The following NIPAL1 variants were observed in gnomAD, a reference collection of about 807,000 sequenced individuals.
NIPAL1 encodes the protein NIPA like domain containing 1.
In NIPAL1, 35 loss-of-function variants were observed where a neutral mutation model predicts 37.7. That is an observed-to-expected ratio of 0.93 (90% CI 0.71 to 1.23). NIPAL1 has a LOEUF of 1.23. NIPAL1 is among the 50% of genes most tolerant of loss of function. NIPAL1 has a pLI of 0.00. For synonymous variants in NIPAL1, 162 were observed against 183.0 expected, an observed-to-expected ratio of 0.89 and a Z score of 0.93; for missense variants, 412 against 473.9, an observed-to-expected ratio of 0.87 and a Z score of 1.21.
At chr4:48,017,498 T>A (rs1424659446) in intron 1 of NIPAL1, among the ~76,000 whole-genome samples, 1 of 150,082 alleles carries the variant, frequency 6.7e-6, no homozygotes, top group Non-Finnish European at 1.5e-5. Flanking sequence ...TCACTCTGGC[T>A]GCTTAAGGCG....
In NIPAL1 at chr4:48,039,587, T is replaced by C. The variant is rs1406653218; in HGVS notation, c.*3415T>C. 7 of 152,254 alleles carry C rather than the reference T, an allele frequency of 4.6e-5. No homozygotes were observed. Among genetic ancestry groups the C allele is most frequent in the Non-Finnish European group, 7.3e-5 (5 of 68,038 alleles). 9.4% of individuals were successfully genotyped at this position (152,254 alleles called of 1,614,324 possible). ...ACTTCTGTAAAGATAAGTTTCATTA[T>C]ACTTTTGTCTTACAATTTTATTCTT... On this transcript the variant is annotated 3_prime_UTR_variant, in exon 6 of 6. Coordinates refer to ENST00000295461, the MANE Select transcript of NIPAL1 (RefSeq NM_207330.3).
chr4:48,019,786 C>G (rs1715532103), intron 1 of NIPAL1, among the ~76,000 whole-genome samples: 1 of 152,160 alleles, frequency 6.6e-6, no homozygotes, highest in African/African-American at 2.4e-5. Context: ...ATGACAAGAT[C>G]AGACCTACTT....
intron 1 of NIPAL1, 94 bp downstream of exon 1, chr4:48,016,979 G>C: frequency 9.6e-7 from 1 of 1,045,768 alleles, no homozygotes; most frequent in East Asian, 2.6e-5. Context: ...TGGAAAGGGG[G>C]GCTGTACCGA....
intron 1 of NIPAL1, among the ~76,000 whole-genome samples, chr4:48,024,370 C>G (rs941440435): frequency 6.6e-5 from 10 of 152,092 alleles, no homozygotes; most frequent in African/African-American, 2.4e-4. Flanking sequence ...CTTCATCCTC[C>G]TGGGCTCAAG....
In NIPAL1 at chr4:48,036,006, CT is replaced by C. The variant is rs765611767; in HGVS notation, c.1071del (p.Phe357LeufsTer22). ...ATCATTGGCATCTTCCTTCTACATG[CT>C]TTTAAAAATACTGACATTACTTGGA... The part of the protein sequence containing the change: ...TIIIGIFLLH[A>X]FKNTDITWSE... On this transcript the variant is annotated frameshift_variant, in exon 6 of 6. Coordinates refer to ENST00000295461, the MANE Select transcript of NIPAL1 (RefSeq NM_207330.3). LOFTEE classifies it high-confidence loss of function. 21 of 1,613,172 alleles carry C rather than the reference CT, an allele frequency of 1.3e-5. No individual in the cohort carries two copies. In the African/African-American group the frequency reaches 2.7e-4, roughly 21 times the overall value.
In NIPAL1 at chr4:48,036,334, G is replaced by T; in HGVS notation, c.*162G>T. ...TGCCATTTTTTTGGCCATTGAATTT[G>T]AAAATCAAATTGATTATCCTCCAGA... On this transcript the variant is annotated 3_prime_UTR_variant, in exon 6 of 6. Coordinates refer to ENST00000295461, the MANE Select transcript of NIPAL1 (RefSeq NM_207330.3). The T allele has an allele frequency of 3.3e-6, 2 of 604,658 alleles. No individual in the cohort carries two copies. Among genetic ancestry groups the T allele is most frequent in the East Asian group, 3.0e-5 (1 of 32,832 alleles). The allele number at this position is 604,658 out of a possible 1,614,324, so 37.5% of individuals were successfully genotyped here.
Position 48,035,817 on chromosome 4 carries a change from A to C in NIPAL1, c.878A>C (p.Tyr293Ser). The change falls in exon 6 of 6, where the codon TAT becomes TCT. Residue 293 changes from tyrosine to serine, a missense_variant. Transcript: ENST00000295461. ...LVLSVTTQINYLNKALDTFNT... is the reference protein window; with the variant it reads ...LVLSVTTQINSLNKALDTFNT... ...CTTTCAGTAACTACACAGATTAACT[A>C]TCTCAACAAGGCACTGGACACCTTT... The C allele has an allele frequency of 6.2e-7, 1 of 1,614,214 alleles. No homozygotes were observed. The highest frequency in any genetic ancestry group is 2.2e-5 in the East Asian group (1 of 44,886).
In NIPAL1 at chr4:48,039,513, T is replaced by C. The variant is rs1341707577; in HGVS notation, c.*3341T>C. 6.6e-6 allele frequency: 1 copy of C among 152,202 alleles called. No individual in the cohort carries two copies. The highest frequency in any genetic ancestry group is 6.5e-5 in the Admixed American group (1 of 15,282). The allele number at this position is 152,202 out of a possible 1,614,324, so 9.4% of individuals were successfully genotyped here. On this transcript the variant is annotated 3_prime_UTR_variant, in exon 6 of 6. Coordinates refer to ENST00000295461, the MANE Select transcript of NIPAL1 (RefSeq NM_207330.3). ...ATGTGAATATCTGCATGTGTGTTAT[T>C]AAGGATTACAAAGTTGTGCTCACAC... is the stretch of plus-strand genomic sequence containing the variant.
chr4:48,039,209 G>A lies in NIPAL1; in HGVS notation c.*3037G>A, dbSNP rs1200097243. ...AAAATACAAAAATTAGCCAGGCATG[G>A]TTGCGGGTGCCTATAATCCCAACTA... On this transcript the variant is annotated 3_prime_UTR_variant, in exon 6 of 6. Coordinates refer to ENST00000295461, the MANE Select transcript of NIPAL1 (RefSeq NM_207330.3). 6.6e-6 allele frequency: 1 copy of A among 152,136 alleles called. No individual in the cohort carries two copies. The highest frequency in any genetic ancestry group is 2.1e-4 in the South Asian group (1 of 4,832). The allele number at this position is 152,136 out of a possible 1,614,324, so 9.4% of individuals were successfully genotyped here.
Position 48,035,939 on chromosome 4 carries a change from G to A in NIPAL1, c.1000G>A (p.Ala334Thr). Residue 334 changes from alanine to threonine, a missense_variant, in exon 6 of 6, where the codon GCT (alanine) becomes ACT (threonine). By Grantham distance (58) the Ala-to-Thr change is moderately conservative. Transcript: ENST00000295461. ...ILFQEWYGMT[A>T]GDIIGTLSGF... ...ATTCCAAGAGTGGTATGGCATGACA[G>A]CTGGAGATATCATTGGGACCCTGAG... 6.2e-7 allele frequency: 1 copy of A among 1,613,882 alleles called. No homozygotes were observed. The highest frequency in any genetic ancestry group is 8.5e-7 in the Non-Finnish European group (1 of 1,179,848).
In NIPAL1 at chr4:48,032,795, TC is replaced by T. The variant is rs534597512; in HGVS notation, c.371-197del. ...CCATTTTTTGCATCTTTTGAGTTTA[TC>T]ACCTGGTATTACAGTTTGTCTGCAT... On this transcript the variant is annotated intron_variant, in intron 3 of 5. Coordinates refer to ENST00000295461, the MANE Select transcript of NIPAL1 (RefSeq NM_207330.3). Among the ~76,000 whole-genome samples, 335 of 152,336 alleles carry T rather than the reference TC, an allele frequency of 2.2e-3. 1 individual carries two copies. Among genetic ancestry groups the T allele is most frequent in the African/African-American group, 7.5e-3 (312 of 41,578 alleles).
chr4:48,038,112 G>A lies in NIPAL1; in HGVS notation c.*1940G>A, dbSNP rs1316206538. ...ACAGTTCTATTAAACAATGACTGAT[G>A]TTCACAATGACAACCTACCTGAGAT... On this transcript the variant is annotated 3_prime_UTR_variant, in exon 6 of 6. Coordinates refer to ENST00000295461, the MANE Select transcript of NIPAL1 (RefSeq NM_207330.3). 2 of 152,198 alleles carry A rather than the reference G, an allele frequency of 1.3e-5. No individual in the cohort carries two copies. Among genetic ancestry groups the A allele is most frequent in the Non-Finnish European group, 2.9e-5 (2 of 68,038 alleles). The allele number at this position is 152,198 out of a possible 1,614,324, so 9.4% of individuals were successfully genotyped here.
chr4:48,025,281 T>C lies in NIPAL1; in HGVS notation c.260T>C (p.Ile87Thr). The C allele has an allele frequency of 6.2e-7, 1 of 1,614,184 alleles. No individual in the cohort carries two copies. The highest frequency in any genetic ancestry group is 8.5e-7 in the Non-Finnish European group (1 of 1,180,018). Residue 87 changes from isoleucine (I) to threonine (T), a missense_variant, in exon 2 of 6, where the codon ATA (isoleucine) becomes ACA (threonine). Physicochemically the swap from Ile to Thr is moderately conservative, Grantham distance 89 (BLOSUM62 -1). Coordinates refer to ENST00000295461, the MANE Select transcript of NIPAL1 (RefSeq NM_207330.3). The stretch of plus-strand genomic sequence containing the variant: ...AGTATTTTTATTGGCTCCAGCTTCA[T>C]ACTGAAAAAGAAGGGCCTCTTGCAA... Reference protein sequence around the residue: ...SSSIFIGSSFILKKKGLLQLA... With the variant: ...SSSIFIGSSFTLKKKGLLQLA...
At chr4:48,035,522 G>A (rs996363748) in intron 5 of NIPAL1, 40 bp from the exon 6 acceptor site, 4 of 1,572,452 alleles carry the variant, frequency 2.5e-6, no homozygotes, top group Admixed American at 4.1e-5. Flanking sequence ...ATAATCCTGT[G>A]AGCATTTTCT....
intron 1 of NIPAL1, among the ~76,000 whole-genome samples, chr4:48,022,768 G>C (rs547454696): frequency 6.6e-6 from 1 of 152,108 alleles, no homozygotes; most frequent in Non-Finnish European, 1.5e-5. Flanking sequence ...GGGCTAGCTT[G>C]CTTGAAAATT....
At position 48,035,693 on chromosome 4, in the gene NIPAL1, T is replaced by C. The variant is rs1022520228; in HGVS notation, c.754T>C (p.Ser252Pro). Residue 252 changes from serine to proline, a missense_variant, in exon 6 of 6, where the codon TCT becomes CCT. Ser to Pro is a moderately conservative substitution (Grantham distance 74). Coordinates refer to ENST00000295461, the MANE Select transcript of NIPAL1 (RefSeq NM_207330.3). The part of the protein sequence containing the change: ...ICSLIGAFSV[S>P]SVKGLGIAIK... ...TTCCTTGATTGGAGCGTTTTCAGTT[T>C]CTTCTGTGAAAGGCCTGGGAATTGC... The C allele has an allele frequency of 1.2e-6, 2 of 1,614,090 alleles. No homozygotes were observed. The highest frequency in any genetic ancestry group is 1.7e-6 in the Non-Finnish European group (2 of 1,180,012).
chr4:48,031,407 A>C (rs2109370864), intron 3 of NIPAL1, among the ~76,000 whole-genome samples: 1 of 152,166 alleles, frequency 6.6e-6, no homozygotes, highest in African/African-American at 2.4e-5. Context: ...TCTTTATTTG[A>C]ATAAAAATTG....
chr4:48,028,575 G>T (rs1393967935), intron 2 of NIPAL1, among the ~76,000 whole-genome samples: 1 of 152,040 alleles, frequency 6.6e-6, no homozygotes, highest in Non-Finnish European at 1.5e-5. Context: ...ATAGACAAAT[G>T]TGACCTAAAG....
chr4:48,019,433 T>G (rs919637788), intron 1 of NIPAL1, among the ~76,000 whole-genome samples: 1 of 152,224 alleles, frequency 6.6e-6, no homozygotes, highest in African/African-American at 2.4e-5. Context: ...TTAAGCCATA[T>G]GAGGAAGTCT....
Sources: gnomAD v4.1 joint callset for allele counts (sites outside exome capture counted in the v4.1 genomes callset) on GRCh38, gnomAD v4.1.1 for gene constraint, MANE v1.5 for transcripts, NCBI Gene and HGNC (gene_info 2026-07-23, HGNC 2026-07-21) for gene names.